PTPRD: variants seen among roughly 807,000 people sequenced by gnomAD.
The protein encoded by PTPRD is protein tyrosine phosphatase receptor type D, also known as receptor-type tyrosine-protein phosphatase delta.
Under a neutral mutation model 214.5 loss-of-function variants are expected in PTPRD, and 34 were observed. The ratio of observed to expected loss-of-function variants is 0.16; its 90% confidence interval spans 0.12 to 0.21. The LOEUF (loss-of-function observed/expected upper bound fraction) is 0.21. Ranked by LOEUF, PTPRD falls within the 10% of genes least tolerant of loss-of-function variation. The pLI, the probability that PTPRD is intolerant of heterozygous loss-of-function variation, is 1.00. For synonymous variants in PTPRD, 1,128 were observed against 845.7 expected, an observed-to-expected ratio of 1.33 and a Z score of -5.79; for missense variants, 2,545 against 2,398.7, an observed-to-expected ratio of 1.06 and a Z score of -1.27.
Position 9,011,279 on chromosome 9 carries a change from T to A in PTPRD, c.-104+7418A>T, listed in dbSNP as rs186900508. Among the ~76,000 whole-genome samples, 101 of 152,256 alleles carry A rather than the reference T, an allele frequency of 6.6e-4. 1 individual carries two copies. The highest frequency in any genetic ancestry group is 6.5e-3 in the Admixed American group (100 of 15,274). ...TTTTTTGGGGGAAATAGCTTATAAT[T>A]CATCTATTATTCTCACATCCTGGAA... On this transcript the variant is annotated intron_variant, in intron 11 of 45. Coordinates refer to ENST00000381196, the MANE Select transcript of PTPRD (RefSeq NM_002839.4).
chr9:10,046,872 A>T (rs1390300953), intron 3 of PTPRD, among the ~76,000 whole-genome samples: 2 of 152,014 alleles, frequency 1.3e-5, no homozygotes, highest in African/African-American at 4.8e-5. Flanking sequence ...GTCTCAAAAC[A>T]TCACGACACC....
intron 11 of PTPRD, among the ~76,000 whole-genome samples, chr9:8,744,075 G>A (rs908217007): frequency 1.3e-5 from 2 of 152,042 alleles, no homozygotes; most frequent in Non-Finnish European, 2.9e-5. Context: ...TCAGAGAAAT[G>A]CAAATCAAAA....
chr9:9,817,846 C>A (rs566655018), intron 5 of PTPRD, among the ~76,000 whole-genome samples: 1 of 152,284 alleles, frequency 6.6e-6, no homozygotes, highest in South Asian at 2.1e-4. Flanking sequence ...CCCCTTGTGT[C>A]TCACGGAAAC....
intron 8 of PTPRD, among the ~76,000 whole-genome samples, chr9:9,480,181 A>C (rs1478156280): frequency 6.6e-6 from 1 of 152,178 alleles, no homozygotes; most frequent in Non-Finnish European, 1.5e-5. Flanking sequence ...CCAAGGGTGC[A>C]TGGATAAAAT....
chr9:8,506,341 A>C lies in PTPRD; in HGVS notation c.1677+960T>G, dbSNP rs192092028. ...AGTGCCATTAACTCCTTTTGTCCTA[A>C]TGTTCCCCATTGGATTTAACAATAA... On this transcript the variant is annotated intron_variant, in intron 22 of 45. Transcript: ENST00000381196. 1.8e-3 allele frequency among the ~76,000 whole-genome samples: 268 copies of C among 152,282 alleles called. 1 individual carries two copies. The highest frequency in any genetic ancestry group is 6.0e-3 in the African/African-American group (249 of 41,562).
At chr9:10,074,521 T>C (rs1277663653) in intron 3 of PTPRD, among the ~76,000 whole-genome samples, 1 of 152,078 alleles carries the variant, frequency 6.6e-6, no homozygotes, top group African/African-American at 2.4e-5. Context: ...CATTAGAGGA[T>C]CTGATTAATG....
chr9:8,709,526 A>AAAAAAGAAAAAG (rs1005312749), intron 12 of PTPRD, among the ~76,000 whole-genome samples: 1 of 150,616 alleles, frequency 6.6e-6, no homozygotes, highest in Non-Finnish European at 1.5e-5. Context: ...AAAAAAAAAA[A>AAAAAAGAAAAAG]AAAAAGAAAA....
intron 2 of PTPRD, chr9:10,532,329 G>A (rs955459607): frequency 2.6e-5 from 4 of 154,200 alleles, no homozygotes; most frequent in African/African-American, 9.7e-5. Context: ...AAACTGGTTG[G>A]TTGTAGTCAT....
At position 9,801,064 on chromosome 9, in the gene PTPRD, T is replaced by C. The variant is rs1598237272; in HGVS notation, c.-367-34213A>G. 2.6e-5 allele frequency among the ~76,000 whole-genome samples: 4 copies of C among 152,262 alleles called. No homozygotes were observed. In the South Asian group the frequency reaches 8.3e-4, roughly 32 times the overall value. On this transcript the variant is annotated intron_variant, in intron 5 of 45. Transcript: ENST00000381196. ...TATTTATTATTTATTTATTTGCATTTGAGAAGGAAAAAAGAATCAGACACT... is the reference window on the plus strand; with the variant it reads ...TATTTATTATTTATTTATTTGCATTCGAGAAGGAAAAAAGAATCAGACACT...
chr9:10,174,580 G>A (rs1030896867), intron 3 of PTPRD, among the ~76,000 whole-genome samples: 2 of 151,226 alleles, frequency 1.3e-5, no homozygotes, highest in East Asian at 1.9e-4. Context: ...ATACATCAAC[G>A]AAAGATTTTT....
At chr9:10,477,205 A>G (rs1017310662) in intron 2 of PTPRD, among the ~76,000 whole-genome samples, 1 of 152,014 alleles carries the variant, frequency 6.6e-6, no homozygotes, top group African/African-American at 2.4e-5. Flanking sequence ...AACCTAAAGA[A>G]TGGGATAAAA....
At chr9:9,967,087 C>T (rs915820408) in intron 4 of PTPRD, among the ~76,000 whole-genome samples, 1 of 152,102 alleles carries the variant, frequency 6.6e-6, no homozygotes, top group Admixed American at 6.5e-5. Flanking sequence ...CAGGGTAAGT[C>T]CCTGTAGTAT....
intron 11 of PTPRD, among the ~76,000 whole-genome samples, chr9:8,951,961 C>T (rs573415839): frequency 5.9e-5 from 9 of 152,060 alleles, no homozygotes; most frequent in South Asian, 4.2e-4. Context: ...ATTCATTCTT[C>T]GGTCTCTGCT....
chr9:10,232,022 G>T (rs1014086339), intron 3 of PTPRD, among the ~76,000 whole-genome samples: 30 of 150,564 alleles, frequency 2.0e-4, no homozygotes, highest in Admixed American at 7.3e-4. Context: ...GTGTGTGTGT[G>T]TGTGTGAGGT....
intron 34 of PTPRD, among the ~76,000 whole-genome samples, chr9:8,444,933 T>C (rs1018342958): frequency 6.6e-6 from 1 of 152,216 alleles, no homozygotes; most frequent in African/African-American, 2.4e-5. Context: ...TCTACAGAGA[T>C]GTATGGAGCT....
At chr9:9,135,409 T>C (rs997832322) in intron 10 of PTPRD, among the ~76,000 whole-genome samples, 1 of 152,240 alleles carries the variant, frequency 6.6e-6, no homozygotes, top group Non-Finnish European at 1.5e-5. Flanking sequence ...AATCGATGTG[T>C]GTATACACAG....
At chr9:9,067,302 G>C (rs769516940) in intron 10 of PTPRD, among the ~76,000 whole-genome samples, 3 of 152,304 alleles carry the variant, frequency 2.0e-5, no homozygotes, top group Non-Finnish European at 4.4e-5. Context: ...CTGTATTTTT[G>C]TGTTTATTAC....
chr9:9,186,683 A>G (rs2099931808), intron 9 of PTPRD, among the ~76,000 whole-genome samples: 1 of 150,900 alleles, frequency 6.6e-6, no homozygotes, highest in Non-Finnish European at 1.5e-5. Flanking sequence ...ACACACACAA[A>G]CACACGTATC....
chr9:8,617,622 A>C (rs1194665405), intron 14 of PTPRD, among the ~76,000 whole-genome samples: 3 of 152,146 alleles, frequency 2.0e-5, no homozygotes, highest in Admixed American at 2.0e-4. Flanking sequence ...TACTTAAAAG[A>C]ACAAACAAAA....
Sources: allele counts gnomAD v4.1 joint callset (sites outside exome capture counted in the v4.1 genomes callset), GRCh38; gene constraint gnomAD v4.1.1; transcripts MANE v1.5; gene names NCBI Gene and HGNC (gene_info 2026-07-23, HGNC 2026-07-21).